Variants in CSMD2 observed in about 807,000 individuals in gnomAD.
CSMD2 encodes CUB and sushi domain-containing protein 2.
A neutral mutation model predicts 398.5 loss-of-function variants in CSMD2; 130 were observed. The observed-to-expected ratio is 0.33, with a 90% CI of 0.28 to 0.38. The LOEUF (loss-of-function observed/expected upper bound fraction) is 0.38, where lower values mean the gene tolerates loss of function less well. Ranked by LOEUF, CSMD2 falls within the 10% of genes least tolerant of loss-of-function variation. The pLI, the probability that CSMD2 is intolerant of heterozygous loss-of-function variation, is 1.00. For missense variants in CSMD2, 3,829 were observed against 4,764.9 expected (o/e 0.80, Z 5.78); for synonymous variants, 1,828 against 1,908.5 (o/e 0.96, Z 1.10).
intron 21 of CSMD2, among the ~76,000 whole-genome samples, chr1:33,712,393 C>A (rs933718954): frequency 6.6e-6 from 1 of 152,196 alleles, no homozygotes; most frequent in Non-Finnish European, 1.5e-5. Context: ...TGGAAATGTT[C>A]CTGGTAGCAC....
chr1:33,955,230 G>T (rs1645127516), intron 3 of CSMD2, among the ~76,000 whole-genome samples: 1 of 152,136 alleles, frequency 6.6e-6, no homozygotes, highest in South Asian at 2.1e-4. Flanking sequence ...GCTTGATTTT[G>T]TTTTATCTTA....
chr1:33,742,938 T>G (rs1647129415), intron 14 of CSMD2, among the ~76,000 whole-genome samples: 1 of 152,184 alleles, frequency 6.6e-6, no homozygotes, highest in South Asian at 2.1e-4. Context: ...GATAGAGGCT[T>G]TCTTTCTCTT....
chr1:33,977,192 A>C (rs931664067), intron 3 of CSMD2, among the ~76,000 whole-genome samples: 1 of 152,054 alleles, frequency 6.6e-6, no homozygotes, highest in Non-Finnish European at 1.5e-5. Flanking sequence ...CTACCTTCCC[A>C]TAGAACTCCC....
intron 10 of CSMD2, among the ~76,000 whole-genome samples, chr1:33,805,250 C>T (rs901512985): frequency 6.6e-6 from 1 of 152,170 alleles, no homozygotes; most frequent in Non-Finnish European, 1.5e-5. Context: ...AAGGAAGAGC[C>T]CTCTAGTCAA....
At chr1:33,530,383 C>A (rs925197373) in intron 64 of CSMD2, among the ~76,000 whole-genome samples, 1 of 152,038 alleles carries the variant, frequency 6.6e-6, no homozygotes, top group Non-Finnish European at 1.5e-5. Flanking sequence ...CAAGTGAAAC[C>A]CACAATGAGA....
At chr1:33,619,533 T>C (rs1641624319) in intron 37 of CSMD2, among the ~76,000 whole-genome samples, 1 of 152,204 alleles carries the variant, frequency 6.6e-6, no homozygotes, top group Non-Finnish European at 1.5e-5. Flanking sequence ...GAAACTCACA[T>C]ATAACAAAAT....
At position 34,024,667 on chromosome 1, in the gene CSMD2, C is replaced by T. The variant is rs544043085; in HGVS notation, c.517+7927G>A. ...ATGGAACAGGTTCACTCAGGAAGCA[C>T]ACACCATCCCTCCTGAGCGGAGGAA... is the stretch of plus-strand genomic sequence containing the variant. On this transcript the variant is annotated intron_variant, in intron 3 of 70. Transcript: ENST00000373381. 9.2e-5 allele frequency among the ~76,000 whole-genome samples: 14 copies of T among 152,324 alleles called. No individual in the cohort carries two copies. The East Asian group carries it at 2.7e-3, about 29-fold the overall frequency.
intron 3 of CSMD2, among the ~76,000 whole-genome samples, chr1:33,962,174 G>A (rs900025424): frequency 6.6e-6 from 1 of 152,164 alleles, no homozygotes; most frequent in Admixed American, 6.5e-5. Flanking sequence ...AGGGCCAGCA[G>A]CCTCACTCAC....
intron 62 of CSMD2, among the ~76,000 whole-genome samples, chr1:33,536,325 G>A (rs933665819): frequency 5.9e-5 from 9 of 152,128 alleles, no homozygotes; most frequent in East Asian, 1.9e-4. Flanking sequence ...CTGGGTCCAC[G>A]CCATTCTCCT....
Position 34,088,984 on chromosome 1 carries a change from G to T in CSMD2, c.397C>A (p.Arg133Ser). The T allele has an allele frequency of 6.2e-7, 1 of 1,613,130 alleles. No homozygotes were observed. The highest frequency in any genetic ancestry group is 8.5e-7 in the Non-Finnish European group (1 of 1,179,600). The change falls in exon 2 of 71, where the codon CGT becomes AGT. Residue 133 changes from arginine (R) to serine (S), a missense_variant. Arg to Ser is a moderately radical substitution (Grantham distance 110, BLOSUM62 -1). Coordinates refer to ENST00000373381, the MANE Select transcript of CSMD2 (RefSeq NM_001281956.2). ...AGGTGGGCAGCATGGTACCTCGTACGCAGATTCTCTGGCTGGGGTGGACCA... is the reference window on the plus strand; with the variant it reads ...AGGTGGGCAGCATGGTACCTCGTACTCAGATTCTCTGGCTGGGGTGGACCA... ...FDGPPQPENL[R>S]TRLTGFQLPA...
chr1:34,093,296 C>T (rs2148383608), intron 1 of CSMD2, among the ~76,000 whole-genome samples: 1 of 152,258 alleles, frequency 6.6e-6, no homozygotes, highest in Non-Finnish European at 1.5e-5. Context: ...GATAAAACCA[C>T]AAAGATGGGG....
At chr1:34,115,162 A>C (rs1397390249) in intron 1 of CSMD2, among the ~76,000 whole-genome samples, 1 of 152,148 alleles carries the variant, frequency 6.6e-6, no homozygotes, top group Non-Finnish European at 1.5e-5. Flanking sequence ...AGAAAAGAGA[A>C]AAAAAGGAAC....
At chr1:33,915,929 T>C (rs1318589082) in intron 5 of CSMD2, among the ~76,000 whole-genome samples, 1 of 152,188 alleles carries the variant, frequency 6.6e-6, no homozygotes, top group African/African-American at 2.4e-5. Context: ...TACTCGCCGG[T>C]GTGATCTCAA....
rs1412730288 is a variant in CSMD2, at chr1:33,652,292, T to G, written c.4586+31A>C. 3 of 1,611,618 alleles carry G rather than the reference T, an allele frequency of 1.9e-6. No individual in the cohort carries two copies. The East Asian group carries it at 6.7e-5, about 36-fold the overall frequency. The stretch of plus-strand genomic sequence containing the variant: ...CAGAGCCCCTAGCCACTCTGAACCC[T>G]TCGTCTCCCACCCGGGGGAAAGGTA... On this transcript the variant is annotated intron_variant, in intron 28 of 70. Coordinates refer to ENST00000373381, the MANE Select transcript of CSMD2 (RefSeq NM_001281956.2).
chr1:33,967,074 G>A (rs1645583212), intron 3 of CSMD2, among the ~76,000 whole-genome samples: 1 of 152,172 alleles, frequency 6.6e-6, no homozygotes, highest in Non-Finnish European at 1.5e-5. Flanking sequence ...AGTCTTAGAA[G>A]CTTTAGTTAA....
chr1:33,804,589 G>A (rs778746856), intron 10 of CSMD2, among the ~76,000 whole-genome samples: 21 of 149,322 alleles, frequency 1.4e-4, no homozygotes, highest in Non-Finnish European at 1.9e-4. Flanking sequence ...TCACTCTTAC[G>A]TGCACACTCC....
At position 33,583,744 on chromosome 1, in the gene CSMD2, T is replaced by A; in HGVS notation, c.7138A>T (p.Thr2380Ser). 1 of 1,614,154 alleles carries A rather than the reference T, an allele frequency of 6.2e-7. No homozygotes were observed. The highest frequency in any genetic ancestry group is 8.5e-7 in the Non-Finnish European group (1 of 1,180,018). ...SYPGSYPQFQ[T>S]CSWLVRVEPD... Reference sequence around the variant, plus strand: ...TCCACTCTCACCAGCCAAGAGCAGGTCTGGAACTGGGGATAGCTTCCAGGG... The same window carrying A: ...TCCACTCTCACCAGCCAAGAGCAGGACTGGAACTGGGGATAGCTTCCAGGG... The change falls in exon 47 of 71, where the codon ACC becomes TCC. Residue 2380 changes from threonine to serine, a missense_variant. Coordinates refer to ENST00000373381, the MANE Select transcript of CSMD2 (RefSeq NM_001281956.2).
At position 33,587,160 on chromosome 1, in the gene CSMD2, G is replaced by A. The variant is rs1639142351; in HGVS notation, c.6865C>T (p.Leu2289Phe). Residue 2289 changes from leucine to phenylalanine, a missense_variant, in exon 45 of 71, where the codon CTC (leucine) becomes TTC (phenylalanine). Physicochemically the swap from Leu to Phe is conservative, Grantham distance 22 (BLOSUM62 0). This residue lies in a region of CSMD2 where 723 missense variants were observed against 758.6 expected (regional missense o/e 0.95). Transcript: ENST00000373381. ...IFAIAFSAYP[L>F]TKCPPPTILP... ...ATGGTGGGAGGAGGGCATTTGGTGAGTGGATAAGCTGAAAAGATAAAAGCA... is the reference window on the plus strand; with the variant it reads ...ATGGTGGGAGGAGGGCATTTGGTGAATGGATAAGCTGAAAAGATAAAAGCA... 6.2e-7 allele frequency: 1 copy of A among 1,608,406 alleles called. No individual in the cohort carries two copies. The highest frequency in any genetic ancestry group is 8.5e-7 in the Non-Finnish European group (1 of 1,177,616).
chr1:33,850,990 G>C (rs1638667560), intron 5 of CSMD2, among the ~76,000 whole-genome samples: 1 of 152,166 alleles, frequency 6.6e-6, no homozygotes. Context: ...GGATGTTGGG[G>C]AGCTGAGAGA....
Sources: allele counts gnomAD v4.1 joint callset (sites outside exome capture counted in the v4.1 genomes callset), GRCh38; gene constraint gnomAD v4.1.1; regional missense constraint gnomAD v4.1.1; transcripts MANE v1.5; gene names NCBI Gene and HGNC (gene_info 2026-07-23, HGNC 2026-07-21).